NAV2: variants seen among roughly 807,000 people sequenced by gnomAD.
The protein encoded by NAV2 is neuron navigator 2, also known as helicase, APC down-regulated 1.
In NAV2, 54 loss-of-function variants were observed where a neutral mutation model predicts 223.2. That is an observed-to-expected ratio of 0.24 (90% CI 0.19 to 0.30). The LOEUF is 0.30. NAV2 is among the 10% of genes least tolerant of loss of function. The pLI is 1.00. For synonymous variants in NAV2, 1,279 were observed against 1,239.3 expected (o/e 1.03, Z -0.67); for missense variants, 2,806 against 3,147.5 (o/e 0.89, Z 2.60).
chr11:19,398,776 A>G (rs1256875149), intron 1 of NAV2, among the ~76,000 whole-genome samples: 1 of 152,168 alleles, frequency 6.6e-6, no homozygotes, highest in Non-Finnish European at 1.5e-5. Flanking sequence ...CCTGCTCCCA[A>G]GCAGCAGCCT....
chr11:20,040,715 C>T (rs2056837447), intron 12 of NAV2, among the ~76,000 whole-genome samples: 1 of 152,162 alleles, frequency 6.6e-6, no homozygotes, highest in Admixed American at 6.5e-5. Context: ...GAAAACCCTT[C>T]AGAAAGGAGG....
At chr11:19,669,271 T>C (rs528975884) in intron 1 of NAV2, among the ~76,000 whole-genome samples, 5 of 152,334 alleles carry the variant, frequency 3.3e-5, no homozygotes, top group Non-Finnish European at 7.4e-5. Flanking sequence ...GTCACTCCAG[T>C]GTTCTCATCT....
intron 1 of NAV2, among the ~76,000 whole-genome samples, chr11:19,355,027 G>A (rs1396697039): frequency 2.0e-5 from 3 of 152,290 alleles, no homozygotes; most frequent in East Asian, 1.9e-4. Context: ...GAGACAGGGG[G>A]CTTCTGCATA....
intron 3 of NAV2, among the ~76,000 whole-genome samples, chr11:19,865,920 C>T (rs968017075): frequency 2.0e-5 from 3 of 152,118 alleles, no homozygotes; most frequent in Admixed American, 6.5e-5. Flanking sequence ...CACTGTGGAC[C>T]CTAGAGAAGG....
chr11:19,383,203 A>G (rs533611708), intron 1 of NAV2, among the ~76,000 whole-genome samples: 3 of 152,180 alleles, frequency 2.0e-5, no homozygotes, highest in African/African-American at 7.2e-5. Context: ...CTTCCTTTAC[A>G]GTTAACTGTG....
chr11:19,713,653 C>T lies in NAV2; in HGVS notation c.-43C>T. 1 of 1,498,752 alleles carries T rather than the reference C, an allele frequency of 6.7e-7. No homozygotes were observed. Among genetic ancestry groups the T allele is most frequent in the African/African-American group, 1.4e-5 (1 of 71,116 alleles). The allele number at this position is 1,498,752 out of a possible 1,614,324, so 92.8% of individuals were successfully genotyped here. On this transcript the variant is annotated 5_prime_UTR_variant, in exon 1 of 38. Coordinates refer to ENST00000349880, the MANE Select transcript of NAV2 (RefSeq NM_145117.5). This position sits in a 1 kb window ranked among gnomAD's most constrained non-coding sequence, Gnocchi z 7.2. Reference sequence around the variant, plus strand: ...TGCCTTTAGCGGTCGCCCCCGCCGCCGCTGCCAGGGACGTGCTGGGAAAGC... The same window carrying T: ...TGCCTTTAGCGGTCGCCCCCGCCGCTGCTGCCAGGGACGTGCTGGGAAAGC...
intron 19 of NAV2, among the ~76,000 whole-genome samples, chr11:20,060,893 A>G (rs1420852282): frequency 6.6e-6 from 1 of 152,238 alleles, no homozygotes; most frequent in Admixed American, 6.5e-5. Flanking sequence ...TATTGGAAAG[A>G]TGACAGAGAG....
chr11:19,531,312 T>A (rs758524689), intron 1 of NAV2, among the ~76,000 whole-genome samples: 19 of 152,120 alleles, frequency 1.2e-4, no homozygotes, highest in Non-Finnish European at 2.8e-4. Flanking sequence ...AGGGAGTGAT[T>A]TGGGCAGGGA....
intron 1 of NAV2, among the ~76,000 whole-genome samples, chr11:19,747,028 AT>A (rs1396611878): frequency 2.3e-4 from 1 of 4,386 alleles, no homozygotes; most frequent in African/African-American, 3.5e-4. Flanking sequence ...ATCTCCTAAT[AT>A]CTATCCCTCT....
At chr11:19,471,028 T>C (rs2041948295) in intron 1 of NAV2, among the ~76,000 whole-genome samples, 1 of 152,180 alleles carries the variant, frequency 6.6e-6, no homozygotes, top group African/African-American at 2.4e-5. Flanking sequence ...CAACCACCTC[T>C]AAATTCTCTC....
At chr11:19,982,952 A>G (rs1039309613) in intron 10 of NAV2, among the ~76,000 whole-genome samples, 3 of 152,230 alleles carry the variant, frequency 2.0e-5, no homozygotes, top group Non-Finnish European at 4.4e-5. Flanking sequence ...GACGTAGCTC[A>G]GCTGACCCTG....
At chr11:20,056,598 C>T (rs2058377727) in intron 19 of NAV2, 1 of 1,613,872 alleles carries the variant, frequency 6.2e-7, no homozygotes, top group Non-Finnish European at 8.5e-7. Context: ...TTTCTCTCTT[C>T]CTTTGTTCCA....
intron 14 of NAV2, among the ~76,000 whole-genome samples, chr11:20,048,514 C>G (rs2057683878): frequency 6.6e-6 from 1 of 152,164 alleles, no homozygotes; most frequent in Non-Finnish European, 1.5e-5. Context: ...TCAGCTGCAG[C>G]TTAGAATTTG....
At chr11:19,885,840 C>G (rs1319369902) in intron 5 of NAV2, among the ~76,000 whole-genome samples, 1 of 152,162 alleles carries the variant, frequency 6.6e-6, no homozygotes, top group African/African-American at 2.4e-5. Context: ...CAAATACATA[C>G]AAAATAACTG....
At chr11:20,053,921 G>C (rs2058191379) in intron 17 of NAV2, among the ~76,000 whole-genome samples, 159 bp from the exon 18 acceptor site, 1 of 152,086 alleles carries the variant, frequency 6.6e-6, no homozygotes. Context: ...AAAAGGTTTT[G>C]AGAAACTTCA....
At chr11:19,457,415 GCT>G (rs1851993501) in intron 1 of NAV2, among the ~76,000 whole-genome samples, 1 of 152,216 alleles carries the variant, frequency 6.6e-6, no homozygotes, top group Admixed American at 6.5e-5. Flanking sequence ...AAGTGCAGAT[GCT>G]CTGAGGCAGG....
intron 12 of NAV2, among the ~76,000 whole-genome samples, chr11:20,039,251 C>G (rs140931755): frequency 6.6e-6 from 1 of 152,180 alleles, no homozygotes; most frequent in Non-Finnish European, 1.5e-5. Flanking sequence ...GCACTCTCTC[C>G]GAGCCCCTGC....
intron 8 of NAV2, among the ~76,000 whole-genome samples, chr11:19,944,486 C>T (rs1258600974): frequency 6.1e-5 from 9 of 146,476 alleles, no homozygotes; most frequent in Non-Finnish European, 1.3e-4. Flanking sequence ...TTCTCCTTTC[C>T]CCTTTCCCCT....
chr11:19,524,531 C>T (rs77452961), intron 1 of NAV2, among the ~76,000 whole-genome samples: 3,114 of 152,242 alleles, frequency 0.02, 45 homozygotes, highest in Non-Finnish European at 0.033. Flanking sequence ...AGGGCAGGCA[C>T]GTCTGGCATG....
Sources: allele counts gnomAD v4.1 joint callset (sites outside exome capture counted in the v4.1 genomes callset), GRCh38; gene constraint gnomAD v4.1.1; non-coding constraint Gnocchi (gnomAD v3.1); transcripts MANE v1.5; gene names NCBI Gene and HGNC (gene_info 2026-07-23, HGNC 2026-07-21).